The following DLC1 variants were observed in gnomAD, a reference collection of about 807,000 sequenced individuals.
DLC1 encodes the protein DLC1 Rho GTPase activating protein.
Under a neutral mutation model 140.3 loss-of-function variants are expected in DLC1, and 54 were observed. The ratio of observed to expected loss-of-function variants is 0.38; its 90% CI spans 0.31 to 0.48. The LOEUF (loss-of-function observed/expected upper bound fraction) is 0.48, where lower values mean the gene tolerates loss of function less well. Among genes scored for constraint, DLC1 ranks in the 20% least tolerant of loss-of-function variants. DLC1 has a pLI of 0.96. For synonymous variants in DLC1, 986 were observed against 728.1 expected, an observed-to-expected ratio of 1.35 and a Z score of -5.70; for missense variants, 2,536 against 1,907.0, an observed-to-expected ratio of 1.33 and a Z score of -6.14.
chr8:13,412,583 G>A (rs145731659), intron 2 of DLC1, among the ~76,000 whole-genome samples: 367 of 152,184 alleles, frequency 2.4e-3, no homozygotes, highest in African/African-American at 8.5e-3. Flanking sequence ...ATACGATGAC[G>A]CAGATTCACA....
chr8:13,192,229 GT>G (rs764873007), intron 5 of DLC1, among the ~76,000 whole-genome samples: 1 of 151,980 alleles, frequency 6.6e-6, no homozygotes, highest in Non-Finnish European at 1.5e-5. Context: ...GGGATTACAG[GT>G]GTGAGCCACT....
At chr8:13,337,258 G>T (rs1380214755) in intron 4 of DLC1, among the ~76,000 whole-genome samples, 1 of 152,074 alleles carries the variant, frequency 6.6e-6, no homozygotes, top group Non-Finnish European at 1.5e-5. Flanking sequence ...ATTAGATTTG[G>T]CAGTGTGTTT....
intron 2 of DLC1, among the ~76,000 whole-genome samples, chr8:13,424,917 A>G (rs1471745596): frequency 6.6e-6 from 1 of 152,198 alleles, no homozygotes; most frequent in Non-Finnish European, 1.5e-5. Flanking sequence ...CTCTGTGCTT[A>G]GTACATAATG....
chr8:13,401,485 C>G lies in DLC1; in HGVS notation c.1158G>C (p.Leu386=). The G allele has an allele frequency of 6.2e-7, 1 of 1,612,422 alleles. No homozygotes were observed. The highest frequency in any genetic ancestry group is 8.5e-7 in the Non-Finnish European group (1 of 1,179,990). ...GAAAGCTCACAGGAACGTGCCGCCG[C>G]AGGTTTGTTGGTGTGCCTGATGGAG... is the stretch of plus-strand genomic sequence containing the variant. The part of the protein sequence containing the change: ...SSSPSGTPTN[L]RRHVPDLESG... Residue 386 remains leucine, a synonymous_variant, in exon 3 of 18, where the codon CTG becomes CTC. Transcript: ENST00000276297.
chr8:13,405,932 T>A (rs1837517465), intron 2 of DLC1, among the ~76,000 whole-genome samples: 1 of 136,816 alleles, frequency 7.3e-6, no homozygotes, highest in Non-Finnish European at 1.6e-5. Context: ...TTTCTTTCTT[T>A]CTTTCTTTCT....
At chr8:13,158,745 C>T (rs1406722682) in intron 5 of DLC1, among the ~76,000 whole-genome samples, 1 of 95,282 alleles carries the variant, frequency 1.0e-5, no homozygotes, top group South Asian at 4.4e-4. Context: ...CCCCCCCCCC[C>T]CCGCCCGCCA....
intron 5 of DLC1, among the ~76,000 whole-genome samples, chr8:13,144,505 C>T (rs888171173): frequency 7.2e-5 from 11 of 152,310 alleles, no homozygotes; most frequent in Non-Finnish European, 1.2e-4. Context: ...GTGGCTCATG[C>T]CTGTAATATC....
At chr8:13,228,791 C>T (rs901660000) in intron 5 of DLC1, among the ~76,000 whole-genome samples, 6 of 152,156 alleles carry the variant, frequency 3.9e-5, no homozygotes, top group African/African-American at 1.2e-4. Flanking sequence ...ACATTTCTTC[C>T]GAGAAAACAT....
At chr8:13,102,588 A>T (rs1196660774) in intron 8 of DLC1, among the ~76,000 whole-genome samples, 1 of 152,210 alleles carries the variant, frequency 6.6e-6, no homozygotes, top group Non-Finnish European at 1.5e-5. Flanking sequence ...AAAACAATAG[A>T]TAAAATAATG....
At position 13,376,040 on chromosome 8, in the gene DLC1, C is replaced by T. The variant is rs984792149; in HGVS notation, c.1314+17513G>A. On this transcript the variant is annotated intron_variant, in intron 4 of 17. Coordinates refer to ENST00000276297, the MANE Select transcript of DLC1 (RefSeq NM_182643.3). ...GAAAAGAGTTTAAATCATGTTGCTC[C>T]AATTACTTTTCCAAGAAAAAGCACC... is the stretch of plus-strand genomic sequence containing the variant. 3.9e-5 allele frequency among the ~76,000 whole-genome samples: 6 copies of T among 152,212 alleles called. No homozygotes were observed. The East Asian group carries it at 1.2e-3, about 29-fold the overall frequency.
At position 13,162,611 on chromosome 8, in the gene DLC1, C is replaced by T. The variant is rs374074187; in HGVS notation, c.1349-46954G>A. Among the ~76,000 whole-genome samples, 268 of 152,276 alleles carry T rather than the reference C, an allele frequency of 1.8e-3. 1 individual carries two copies. Among genetic ancestry groups the T allele is most frequent in the African/African-American group, 6.0e-3 (248 of 41,572 alleles). On this transcript the variant is annotated intron_variant, in intron 5 of 17. Coordinates refer to ENST00000276297, the MANE Select transcript of DLC1 (RefSeq NM_182643.3). ...GTGCTAGGATTACAGGCGTGAGCCACGGCTCCCAGCCAGTAGGCTACAGTT... is the reference window on the plus strand; with the variant it reads ...GTGCTAGGATTACAGGCGTGAGCCATGGCTCCCAGCCAGTAGGCTACAGTT...
chr8:13,535,861 G>T (rs2069610943), intron 1 of DLC1, among the ~76,000 whole-genome samples: 1 of 151,978 alleles, frequency 6.6e-6, no homozygotes, highest in African/African-American at 2.4e-5. Context: ...ATCCTATATA[G>T]TTCCTTTTCA....
At chr8:13,267,134 A>G (rs1036893592) in intron 5 of DLC1, among the ~76,000 whole-genome samples, 2 of 152,246 alleles carry the variant, frequency 1.3e-5, no homozygotes, top group African/African-American at 4.8e-5. Context: ...CTGAAATTAC[A>G]TGTTCAAACT....
chr8:13,546,425 G>A (rs966908), intron 1 of DLC1, among the ~76,000 whole-genome samples: 108,565 of 151,984 alleles, frequency 0.71, 38,860 homozygotes, highest in Admixed American at 0.76. Flanking sequence ...GGATTGGATT[G>A]CATCCTTTAT....
At chr8:13,328,648 A>C (rs143352340) in intron 4 of DLC1, among the ~76,000 whole-genome samples, 1 of 152,092 alleles carries the variant, frequency 6.6e-6, no homozygotes, top group Non-Finnish European at 1.5e-5. Flanking sequence ...GGGTATCTGA[A>C]GCTGGGGAGA....
chr8:13,331,587 C>T (rs998147441), intron 4 of DLC1, among the ~76,000 whole-genome samples: 6 of 151,926 alleles, frequency 3.9e-5, no homozygotes, highest in Admixed American at 3.9e-4. Flanking sequence ...CCATATAATG[C>T]TCTCAAATTT....
At chr8:13,441,207 C>T (rs540906210) in intron 2 of DLC1, among the ~76,000 whole-genome samples, 62 of 152,282 alleles carry the variant, frequency 4.1e-4, no homozygotes, top group African/African-American at 1.5e-3. Flanking sequence ...TGGGACGTAT[C>T]TCAAAATAAT....
rs147699066 is a variant in DLC1, at chr8:13,132,205, CTGTGTG to C, written c.1349-16554_1349-16549del. 9.5e-3 allele frequency among the ~76,000 whole-genome samples: 1,316 copies of C among 139,184 alleles called. 11 individuals are homozygous for C. The highest frequency in any genetic ancestry group is 0.026 in the East Asian group (122 of 4,752). The allele number at this position is 139,184 out of a possible 152,430, so 91.3% of individuals were successfully genotyped here. A position where few individuals can be genotyped will look rare whatever the true frequency, so the allele number is the denominator to read the frequency against. On this transcript the variant is annotated intron_variant, in intron 5 of 17. Transcript: ENST00000276297. ...CCCATCTCCGGGAAAAAAACCAAAA[CTGTGTG>C]TGTGTGTGTGTGTGTGTGTGTGTGT...
intron 4 of DLC1, among the ~76,000 whole-genome samples, chr8:13,355,230 A>T (rs1000484187): frequency 2.0e-5 from 3 of 152,142 alleles, no homozygotes; most frequent in Non-Finnish European, 2.9e-5. Flanking sequence ...TCACACCTGT[A>T]ATCCCAACAC....
Sources: allele counts gnomAD v4.1 joint callset (sites outside exome capture counted in the v4.1 genomes callset), GRCh38; gene constraint gnomAD v4.1.1; transcripts MANE v1.5; gene names NCBI Gene and HGNC (gene_info 2026-07-23, HGNC 2026-07-21).